Variants in SEZ6L observed in about 807,000 individuals in gnomAD.
SEZ6L encodes seizure 6-like protein.
SEZ6L carries 37 observed loss-of-function variants against 106.2 expected under a neutral mutation model. The observed-to-expected ratio is 0.35, with a 90% CI of 0.27 to 0.46. The LOEUF (loss-of-function observed/expected upper bound fraction) is 0.46, where lower values mean the gene tolerates loss of function less well. Ranked by LOEUF, SEZ6L falls within the 20% of genes least tolerant of loss-of-function variation. The probability of loss-of-function intolerance (pLI) is 1.00; values close to 1 mark genes in which losing one functional copy is unlikely to be tolerated. For missense variants in SEZ6L, 1,172 were observed against 1,332.8 expected (o/e 0.88, Z 1.88); for synonymous variants, 541 against 570.4 (o/e 0.95, Z 0.73).
intron 16 of SEZ6L, 48 bp downstream of exon 16, chr22:26,377,823 T>C (rs1568961820): frequency 7.5e-7 from 1 of 1,333,108 alleles, no homozygotes; most frequent in Non-Finnish European, 1.1e-6. Flanking sequence ...CTCTTTGCTC[T>C]GAATTCACCA....
At chr22:26,257,362 T>C (rs931150423) in intron 1 of SEZ6L, among the ~76,000 whole-genome samples, 24 of 152,204 alleles carry the variant, frequency 1.6e-4, no homozygotes, top group African/African-American at 5.8e-4. Flanking sequence ...AAATCCCATT[T>C]AACTTCTCAT....
rs376450945 is a variant in SEZ6L at position 26,380,251 on chromosome 22, T to C, written c.3046-15T>C. ...ACACAAGCGTTTGACAAATCCGTGC[T>C]TCTCTCTCTTGCAGGAAACCAGAGA... is the stretch of plus-strand genomic sequence containing the variant. On this transcript the variant is annotated splice_polypyrimidine_tract_variant and intron_variant, in intron 16 of 16. Coordinates refer to ENST00000248933, the MANE Select transcript of SEZ6L (RefSeq NM_021115.5). 42 of 1,613,234 alleles carry C rather than the reference T, an allele frequency of 2.6e-5. No homozygotes were observed. Among genetic ancestry groups the C allele is most frequent in the Non-Finnish European group, 3.1e-5 (37 of 1,179,380 alleles).
intron 9 of SEZ6L, among the ~76,000 whole-genome samples, chr22:26,314,808 C>G (rs925413337): frequency 2.6e-5 from 4 of 152,198 alleles, no homozygotes; most frequent in South Asian, 2.1e-4. Flanking sequence ...GAGAACCCCC[C>G]CTGGGAGGTC....
At chr22:26,345,560 G>T (rs1437814946) in intron 10 of SEZ6L, among the ~76,000 whole-genome samples, 1 of 152,124 alleles carries the variant, frequency 6.6e-6, no homozygotes, top group African/African-American at 2.4e-5. Context: ...TTTTTCAGAG[G>T]CCTAAAAATA....
At chr22:26,350,880 T>C (rs915533925) in intron 11 of SEZ6L, among the ~76,000 whole-genome samples, 172 bp from the exon 12 acceptor site, 17 of 151,874 alleles carry the variant, frequency 1.1e-4, no homozygotes, top group Admixed American at 3.9e-4. Context: ...ATGGTCTCGA[T>C]CTCCTGACCT....
At chr22:26,263,153 CT>C (rs967305934) in intron 1 of SEZ6L, among the ~76,000 whole-genome samples, 1 of 152,210 alleles carries the variant, frequency 6.6e-6, no homozygotes, top group Non-Finnish European at 1.5e-5. Context: ...AACTCCTCCC[CT>C]GGACTCATTT....
chr22:26,299,054 A>C lies in SEZ6L; in HGVS notation c.1233A>C (p.Ser411=). Reference sequence around the variant, plus strand: ...ATGTCACGGTGATGGACCTGCACTCAGGTGGGGTGGCCCACTTTCACTGCC... The same window carrying C: ...ATGTCACGGTGATGGACCTGCACTCCGGTGGGGTGGCCCACTTTCACTGCC... The part of the protein sequence containing the change: ...SGDVTVMDLH[S]GGVAHFHCHL... Residue 411 remains serine, a synonymous_variant, in exon 5 of 17, where the codon TCA becomes TCC. Coordinates refer to ENST00000248933, the MANE Select transcript of SEZ6L (RefSeq NM_021115.5). 6.2e-7 allele frequency: 1 copy of C among 1,608,040 alleles called. No homozygotes were observed. The highest frequency in any genetic ancestry group is 8.5e-7 in the Non-Finnish European group (1 of 1,177,378).
chr22:26,258,940 A>G (rs1207395), intron 1 of SEZ6L, among the ~76,000 whole-genome samples: 5,602 of 152,318 alleles, frequency 0.037, 147 homozygotes, highest in Non-Finnish European at 0.057. Flanking sequence ...GATCTTTTGG[A>G]GGGAGAGATT....
At chr22:26,185,621 A>T (rs1050121729) in intron 1 of SEZ6L, among the ~76,000 whole-genome samples, 1 of 152,178 alleles carries the variant, frequency 6.6e-6, no homozygotes, top group Non-Finnish European at 1.5e-5. Flanking sequence ...CACCTGGATG[A>T]TTCGACCCCC....
At chr22:26,262,244 T>TTATCTATCTATCTATCTATCTATCTATC (rs58457773) in intron 1 of SEZ6L, among the ~76,000 whole-genome samples, 36 of 144,322 alleles carry the variant, frequency 2.5e-4, no homozygotes, top group South Asian at 1.1e-3. Flanking sequence ...TTGATATATT[T>TTATCTATCTATCTATCTATCTATCTATC]TATCTATCTA....
At chr22:26,355,743 C>CAGAAA (rs150501916) in intron 12 of SEZ6L, among the ~76,000 whole-genome samples, 8,854 of 152,028 alleles carry the variant, frequency 0.058, 876 homozygotes, top group African/African-American at 0.2. Context: ...AACATAGAAA[C>CAGAAA]AGAAAAGAAA....
chr22:26,255,876 C>CG (rs1288788592), intron 1 of SEZ6L, among the ~76,000 whole-genome samples: 2 of 152,200 alleles, frequency 1.3e-5, no homozygotes, highest in African/African-American at 4.8e-5. Context: ...GTAGGGCAGA[C>CG]AAGCAGCCAT....
At chr22:26,274,281 C>A (rs1441715528) in intron 1 of SEZ6L, among the ~76,000 whole-genome samples, 1 of 152,034 alleles carries the variant, frequency 6.6e-6, no homozygotes, top group Non-Finnish European at 1.5e-5. Flanking sequence ...GATATAGGAC[C>A]TTGAATATAG....
In SEZ6L at chr22:26,292,920, C is replaced by A; in HGVS notation, c.609C>A (p.Ser203=). 6.2e-7 allele frequency: 1 copy of A among 1,614,216 alleles called. No homozygotes were observed. The highest frequency in any genetic ancestry group is 8.5e-7 in the Non-Finnish European group (1 of 1,180,038). Residue 203 remains serine (S), a synonymous_variant, in exon 2 of 17, where the codon TCC becomes TCA. Transcript: ENST00000248933. ...CAACACCCGCACCCCTGCAAATCTCCCCCTTCACTTCGCAGCCCTATGTGG... is the reference window on the plus strand; with the variant it reads ...CAACACCCGCACCCCTGCAAATCTCACCCTTCACTTCGCAGCCCTATGTGG... ...VPTTPAPLQI[S]PFTSQPYVAH... is the part of the protein sequence containing the mutation.
intron 1 of SEZ6L, among the ~76,000 whole-genome samples, chr22:26,247,128 G>A (rs767798432): frequency 6.6e-5 from 10 of 152,150 alleles, no homozygotes; most frequent in Admixed American, 4.6e-4. Flanking sequence ...GCCTGGCTGT[G>A]TTCTTTTTGC....
In SEZ6L at chr22:26,311,931, A is replaced by C; in HGVS notation, c.1845A>C (p.Pro615=). Residue 615 remains proline, a synonymous_variant, in exon 8 of 17, where the codon CCA becomes CCC. Transcript: ENST00000248933. ...TCGAATGCATCAATGTGCGGGACCC[A>C]TACTGGAATGACACAGAGCCCCTGT... ...AIIECINVRD[P]YWNDTEPLCR... The C allele has an allele frequency of 1.2e-6, 2 of 1,614,088 alleles. No homozygotes were observed. The highest frequency in any genetic ancestry group is 2.2e-5 in the South Asian group (2 of 91,070).
chr22:26,341,674 CCCA>C (rs974289977), intron 10 of SEZ6L, among the ~76,000 whole-genome samples: 1 of 152,132 alleles, frequency 6.6e-6, no homozygotes, highest in Admixed American at 6.5e-5. Flanking sequence ...TCTTTTCCTA[CCCA>C]CCACCACCAC....
chr22:26,364,543 T>C (rs373327032), intron 12 of SEZ6L, among the ~76,000 whole-genome samples: 1 of 152,054 alleles, frequency 6.6e-6, no homozygotes, highest in Non-Finnish European at 1.5e-5. Flanking sequence ...CAGTGAGCCG[T>C]GCTGCACCAC....
rs1037086813 is a variant in SEZ6L at position 26,381,733 on chromosome 22, G to A, written c.*1438G>A. The A allele has an allele frequency of 1.2e-5, 3 of 244,392 alleles. No individual in the cohort carries two copies. Among genetic ancestry groups the A allele is most frequent in the Non-Finnish European group, 2.5e-5 (3 of 120,490 alleles). 15.1% of individuals were successfully genotyped at this position (244,392 alleles called of 1,614,324 possible). ...GGTATAAAGAGAAGGTGGAGGGTGC[G>A]GGTGCATGGAAGAAATACTATGTGT... On this transcript the variant is annotated 3_prime_UTR_variant, in exon 17 of 17. Transcript: ENST00000248933.
Sources: allele counts gnomAD v4.1 joint callset (sites outside exome capture counted in the v4.1 genomes callset), GRCh38; gene constraint gnomAD v4.1.1; transcripts MANE v1.5; gene names NCBI Gene and HGNC (gene_info 2026-07-23, HGNC 2026-07-21).